The following GPHN variants were observed in gnomAD, a reference collection of about 807,000 sequenced individuals.
GPHN encodes the protein gephyrin.
GPHN carries 17 observed loss-of-function variants against 95.5 expected under a neutral mutation model. The observed-to-expected ratio is 0.18, with a 90% CI of 0.12 to 0.27. GPHN has a LOEUF of 0.27. Ranked by LOEUF, GPHN falls within the 10% of genes least tolerant of loss-of-function variation. The pLI, the probability that GPHN is intolerant of heterozygous loss-of-function variation, is 1.00. For synonymous variants in GPHN, 320 were observed against 322.5 expected, an observed-to-expected ratio of 0.99 and a Z score of 0.08; for missense variants, 660 against 978.1, an observed-to-expected ratio of 0.67 and a Z score of 4.34.
intron 1 of GPHN, among the ~76,000 whole-genome samples, chr14:66,573,245 C>T (rs1382657372): frequency 6.6e-6 from 1 of 152,096 alleles, no homozygotes; most frequent in Non-Finnish European, 1.5e-5. Flanking sequence ...TCTGTTGTTT[C>T]ATTATTGATT....
At chr14:66,961,848 T>G (rs905262642) in intron 8 of GPHN, among the ~76,000 whole-genome samples, 3 of 139,314 alleles carry the variant, frequency 2.2e-5, no homozygotes, top group Non-Finnish European at 3.1e-5. Context: ...ACTTAGAAAT[T>G]TTTTAAAGAA....
chr14:67,574,113 A>G, the GPHN span: 1 of 778,926 alleles, frequency 1.3e-6, no homozygotes, highest in Non-Finnish European at 2.1e-6. The surrounding 1 kb of genome is among the most constrained non-coding windows in gnomAD (Gnocchi z 4.2). Context: ...AGGAAAAGAA[A>G]GGAGGGAGCA....
chr14:66,622,115 C>A (rs1434922609), intron 1 of GPHN, among the ~76,000 whole-genome samples: 1 of 152,208 alleles, frequency 6.6e-6, no homozygotes, highest in East Asian at 1.9e-4. Context: ...TACGTACATC[C>A]TGTGAAATCC....
At chr14:67,079,851 T>C (rs2076622558) in intron 11 of GPHN, among the ~76,000 whole-genome samples, 1 of 152,100 alleles carries the variant, frequency 6.6e-6, no homozygotes, top group Non-Finnish European at 1.5e-5. Context: ...TAATGAACAT[T>C]TGAGTTGCTT....
chr14:66,645,615 C>A (rs1239257581), intron 1 of GPHN, among the ~76,000 whole-genome samples: 1 of 149,414 alleles, frequency 6.7e-6, no homozygotes, highest in Non-Finnish European at 1.5e-5. Context: ...TTGCTTGAAT[C>A]TGGGAGGCGG....
intron 4 of GPHN, among the ~76,000 whole-genome samples, chr14:66,828,122 A>G (rs1455939763): frequency 6.6e-6 from 1 of 151,922 alleles, no homozygotes; most frequent in Non-Finnish European, 1.5e-5. Context: ...GATCTTTAAT[A>G]GGTTCACTTC....
chr14:67,559,479 C>A, the GPHN span: 1 of 628,372 alleles, frequency 1.6e-6, no homozygotes, highest in Non-Finnish European at 2.9e-6. Context: ...TTTCAACAAA[C>A]GATTTCTGCT....
the GPHN span, chr14:67,674,762 CG>C: frequency 9.4e-6 from 3 of 319,526 alleles, no homozygotes; most frequent in Non-Finnish European, 1.1e-5. Context: ...GGTGCCGCGC[CG>C]GGGCGATCGG....
chr14:67,619,474 A>G, the GPHN span, among the ~76,000 whole-genome samples: 57 of 152,236 alleles, frequency 3.7e-4, no homozygotes, highest in African/African-American at 1.3e-3. Context: ...GCTTTGAGAT[A>G]GAACGAAGCA....
chr14:67,089,702 G>A (rs778623628), intron 12 of GPHN, among the ~76,000 whole-genome samples: 6 of 152,114 alleles, frequency 3.9e-5, no homozygotes, highest in Non-Finnish European at 8.8e-5. Flanking sequence ...TCAAACATCA[G>A]TAAAGGGCTT....
At chr14:66,800,849 C>T (rs2060323171) in intron 3 of GPHN, among the ~76,000 whole-genome samples, 2 of 152,054 alleles carry the variant, frequency 1.3e-5, no homozygotes, top group South Asian at 4.1e-4. Context: ...CCTTTTGAGA[C>T]TATTCTCTTG....
At chr14:66,523,524 T>G (rs925733837) in intron 1 of GPHN, among the ~76,000 whole-genome samples, 5 of 152,154 alleles carry the variant, frequency 3.3e-5, no homozygotes, top group Admixed American at 3.3e-4. Flanking sequence ...AACAATATTA[T>G]GTTTTAGGTT....
the GPHN span, chr14:67,615,141 G>A: frequency 6.9e-3 from 1,056 of 152,374 alleles, 5 homozygotes; most frequent in Non-Finnish European, 0.011. Context: ...GAAAAATAGA[G>A]CAAGCTGGTT....
chr14:66,833,193 C>T (rs2061646935), intron 4 of GPHN, among the ~76,000 whole-genome samples: 1 of 152,036 alleles, frequency 6.6e-6, no homozygotes, highest in Non-Finnish European at 1.5e-5. Context: ...GTGTGGTAGG[C>T]CTTAGGAAAC....
the GPHN span, among the ~76,000 whole-genome samples, chr14:67,694,556 A>G: frequency 2.0e-5 from 3 of 150,862 alleles, no homozygotes; most frequent in East Asian, 3.9e-4. Context: ...GGGTATGAGC[A>G]CTATTTTCAG....
intron 8 of GPHN, among the ~76,000 whole-genome samples, chr14:66,949,091 TG>T (rs2067932358): frequency 6.6e-6 from 1 of 152,228 alleles, no homozygotes; most frequent in South Asian, 2.1e-4. Flanking sequence ...TTCTTGTTTT[TG>T]TTTTTCTTTC....
chr14:67,619,887 G>T, the GPHN span: 3 of 871,826 alleles, frequency 3.4e-6, no homozygotes, highest in Non-Finnish European at 3.3e-6. Context: ...CGCTGGCGCG[G>T]GTAGGTAAGA....
chr14:67,324,926 A>T, the GPHN span, among the ~76,000 whole-genome samples: 2 of 87,438 alleles, frequency 2.3e-5, no homozygotes, highest in Non-Finnish European at 1.9e-5. Context: ...TTTTTTTGAG[A>T]CTGAGTCTTG....
intron 9 of GPHN, among the ~76,000 whole-genome samples, chr14:66,977,443 T>A (rs1007532061): frequency 4.6e-5 from 7 of 151,698 alleles, no homozygotes; most frequent in Middle Eastern, 6.8e-3. Flanking sequence ...AAAAAAAAAA[T>A]TATGTTTTAA....
Sources: allele counts gnomAD v4.1 joint callset (sites outside exome capture counted in the v4.1 genomes callset), GRCh38; gene constraint gnomAD v4.1.1; non-coding constraint Gnocchi (gnomAD v3.1); transcripts MANE v1.5; gene names NCBI Gene and HGNC (gene_info 2026-07-23, HGNC 2026-07-21).